TNRC18: variants seen among roughly 807,000 people sequenced by gnomAD.
TNRC18 encodes trinucleotide repeat-containing gene 18 protein.
A neutral mutation model predicts 226.7 loss-of-function variants in TNRC18; 69 were observed. The observed-to-expected ratio is 0.30, with a 90% CI of 0.25 to 0.37. The LOEUF (loss-of-function observed/expected upper bound fraction) is 0.37. Among genes scored for constraint, TNRC18 ranks in the 10% least tolerant of loss-of-function variants. TNRC18 has a pLI of 1.00. For synonymous variants in TNRC18, 2,449 were observed against 1,927.6 expected, an observed-to-expected ratio of 1.27 and a Z score of -7.09; for missense variants, 4,754 against 4,256.6, an observed-to-expected ratio of 1.12 and a Z score of -3.25.
chr7:5,353,150 G>GCT (rs1475749275), intron 16 of TNRC18, among the ~76,000 whole-genome samples: 1 of 152,164 alleles, frequency 6.6e-6, no homozygotes, highest in African/African-American at 2.4e-5. Flanking sequence ...GTCAAAGTGC[G>GCT]CTCTCTCTTG....
chr7:5,319,271 G>A (rs1299638977), intron 24 of TNRC18, among the ~76,000 whole-genome samples: 2 of 152,158 alleles, frequency 1.3e-5, no homozygotes, highest in African/African-American at 4.8e-5. Context: ...AGCTGGCATT[G>A]GCTTCCATCT....
chr7:5,313,626 A>G lies in TNRC18; in HGVS notation c.7265T>C (p.Leu2422Pro). The G allele has an allele frequency of 6.2e-7, 1 of 1,604,052 alleles. No individual in the cohort carries two copies. The highest frequency in any genetic ancestry group is 2.2e-4 in the Middle Eastern group (1 of 4,540). ...CATGGTGATGAGGGGTGCTGGGGCCAGGGAGGTGGCAGGAGCTGGCAGCTC... is the reference window on the plus strand; with the variant it reads ...CATGGTGATGAGGGGTGCTGGGGCCGGGGAGGTGGCAGGAGCTGGCAGCTC... The part of the protein sequence containing the change: ...FAELPAPATS[L>P]APAPLITMPA... The change falls in exon 27 of 30, where the codon CTG (leucine) becomes CCG (proline). Residue 2422 changes from leucine to proline, a missense_variant. Transcript: ENST00000430969.
chr7:5,339,926 G>C (rs543243991), intron 18 of TNRC18, among the ~76,000 whole-genome samples: 1 of 151,358 alleles, frequency 6.6e-6, no homozygotes, highest in Admixed American at 6.6e-5. Context: ...TGACTGCTCC[G>C]CCAACCGGCC....
intron 2 of TNRC18, among the ~76,000 whole-genome samples, chr7:5,414,016 G>A (rs1439978029): frequency 2.0e-5 from 3 of 151,850 alleles, no homozygotes; most frequent in South Asian, 2.1e-4. Context: ...GCAGTGGCAC[G>A]ATCTCGGCTC....
rs374655143 is a variant in TNRC18, at chr7:5,308,163, G to C, written c.8850C>G (p.Thr2950=). The C allele has an allele frequency of 6.3e-7, 1 of 1,582,122 alleles. No individual in the cohort carries two copies. Among genetic ancestry groups the C allele is most frequent in the Admixed American group, 1.8e-5 (1 of 55,096 alleles). Residue 2950 remains threonine, a synonymous_variant, in exon 30 of 30, where the codon ACC becomes ACG. Transcript: ENST00000430969. Reference sequence around the variant, plus strand: ...AGATCATGCCCGTGGTGGGCTCGTAGGTGCCCGCGAGGTAGTACAGGCCCT... The same window carrying C: ...AGATCATGCCCGTGGTGGGCTCGTACGTGCCCGCGAGGTAGTACAGGCCCT... The part of the protein sequence containing the change: ...DSEGLYYLAG[T]YEPTTGMIFS...
At chr7:5,335,400 G>C (rs1789993247) in intron 18 of TNRC18, among the ~76,000 whole-genome samples, 1 of 151,094 alleles carries the variant, frequency 6.6e-6, no homozygotes, top group Non-Finnish European at 1.5e-5. Context: ...ACAAGGTCAG[G>C]AGTTCAAGAC....
intron 18 of TNRC18, 47 bp downstream of exon 18, chr7:5,345,515 C>CCGGGG: frequency 2.9e-6 from 1 of 347,090 alleles, no homozygotes; most frequent in Non-Finnish European, 5.3e-6. Context: ...GCAATGGCGT[C>CCGGGG]CGCCCCTCCC....
rs376515151 is a variant in TNRC18 at position 5,374,245 on chromosome 7, C to A, written c.3039G>T (p.Glu1013Asp). Residue 1013 changes from glutamate to aspartate, a missense_variant, in exon 10 of 30, where the codon GAG (glutamate) becomes GAT (aspartate). Coordinates refer to ENST00000430969, the MANE Select transcript of TNRC18 (RefSeq NM_001080495.3). Reference protein sequence around the residue: ...ALKAKVIQKLEDVSKPPAYAY... With the variant: ...ALKAKVIQKLDDVSKPPAYAY... ...CGTAGGCGGGTGGCTTGGACACGTCCTCCAGCTTCTGGATGACCTTGGCCT... is the reference window on the plus strand; with the variant it reads ...CGTAGGCGGGTGGCTTGGACACGTCATCCAGCTTCTGGATGACCTTGGCCT... The A allele has an allele frequency of 3.7e-5, 56 of 1,500,984 alleles. No homozygotes were observed. In the African/African-American group the frequency reaches 7.7e-4, roughly 21 times the overall value. 93.0% of individuals were successfully genotyped at this position (1,500,984 alleles called of 1,614,324 possible). A position where few individuals can be genotyped will look rare whatever the true frequency, so the allele number is the denominator to read the frequency against.
rs375418243 is a variant in TNRC18, at chr7:5,308,067, C to A, written c.*39G>T. The A allele has an allele frequency of 7.9e-6, 12 of 1,528,042 alleles. No homozygotes were observed. In the African/African-American group the frequency reaches 1.4e-4, roughly 18 times the overall value. The allele number at this position is 1,528,042 out of a possible 1,614,324, so 94.7% of individuals were successfully genotyped here. A position where few individuals can be genotyped will look rare whatever the true frequency, so the allele number is the denominator to read the frequency against. ...GCAGTGATGGAGATGGGTCCCTGGC[C>A]GCCCTCGGGGCACAGGTGGCCCGCA... On this transcript the variant is annotated 3_prime_UTR_variant, in exon 30 of 30. Coordinates refer to ENST00000430969, the MANE Select transcript of TNRC18 (RefSeq NM_001080495.3).
In TNRC18 at chr7:5,395,996, C is replaced by CAAA. The variant is rs1178969904; in HGVS notation, c.188-1404_188-1402dup. Among the ~76,000 whole-genome samples, 218 of 107,726 alleles carry CAAA rather than the reference C, an allele frequency of 2.0e-3. 2 individuals carry two copies. Among genetic ancestry groups the CAAA allele is most frequent in the African/African-American group, 7.2e-3 (196 of 27,224 alleles). 70.7% of individuals were successfully genotyped at this position (107,726 alleles called of 152,430 possible). On this transcript the variant is annotated intron_variant, in intron 2 of 29. Transcript: ENST00000430969. ...TGGGCGACAGAGAGAGACTCCGTCT[C>CAAA]AAAAAAAAAAAAAAAATGCTAAAAA...
intron 21 of TNRC18, among the ~76,000 whole-genome samples, chr7:5,322,660 C>G (rs187532778): frequency 1.3e-5 from 2 of 152,358 alleles, no homozygotes; most frequent in African/African-American, 2.4e-5. Context: ...AACTTGCCGA[C>G]GGCGGTCACC....
At chr7:5,363,314 A>T (rs1401630973) in intron 11 of TNRC18, among the ~76,000 whole-genome samples, 1 of 136,172 alleles carries the variant, frequency 7.3e-6, no homozygotes, top group Non-Finnish European at 1.6e-5. Context: ...AAAAAAATAA[A>T]TAAATAGGCC....
At chr7:5,420,601 G>A (rs1057249128) in intron 2 of TNRC18, 1 of 455,662 alleles carries the variant, frequency 2.2e-6, no homozygotes, top group Admixed American at 2.4e-5. Flanking sequence ...GACCCGGCTC[G>A]GCGCGAGTGG....
intron 2 of TNRC18, among the ~76,000 whole-genome samples, chr7:5,402,010 C>G (rs540171627): frequency 6.6e-6 from 1 of 151,610 alleles, no homozygotes; most frequent in Non-Finnish European, 1.5e-5. Flanking sequence ...CCCGTCTCTA[C>G]TAAAAACAAA....
chr7:5,406,799 C>T (rs915190628), intron 2 of TNRC18, among the ~76,000 whole-genome samples: 4 of 148,068 alleles, frequency 2.7e-5, no homozygotes, highest in African/African-American at 1.0e-4. Context: ...TGCAGTGAGC[C>T]GAGATTGTAC....
intron 5 of TNRC18, among the ~76,000 whole-genome samples, chr7:5,384,869 G>C (rs1233073113): frequency 6.6e-6 from 1 of 152,248 alleles, no homozygotes; most frequent in East Asian, 1.9e-4. Context: ...ACACAGAGCA[G>C]TGTGTTCATT....
intron 2 of TNRC18, among the ~76,000 whole-genome samples, chr7:5,412,287 A>T (rs1485018172): frequency 2.0e-5 from 3 of 151,088 alleles, no homozygotes; most frequent in South Asian, 4.2e-4. Flanking sequence ...CCAGAAAATG[A>T]ATTTTCGGCT....
chr7:5,313,594 T>G lies in TNRC18; in HGVS notation c.7297A>C (p.Thr2433Pro), dbSNP rs746731899. 1 of 1,603,628 alleles carries G rather than the reference T, an allele frequency of 6.2e-7. No homozygotes were observed. The highest frequency in any genetic ancestry group is 1.7e-5 in the Admixed American group (1 of 58,204). Reference sequence around the variant, plus strand: ...CGCGCCTTCTTGGGCTTGGGGCGTGTGGCAGGCATGGTGATGAGGGGTGCT... The same window carrying G: ...CGCGCCTTCTTGGGCTTGGGGCGTGGGGCAGGCATGGTGATGAGGGGTGCT... ...APAPLITMPA[T>P]RPKPKKARAA... Residue 2433 changes from threonine (T) to proline (P), a missense_variant, in exon 27 of 30, where the codon ACA becomes CCA. Transcript: ENST00000430969.
intron 2 of TNRC18, among the ~76,000 whole-genome samples, chr7:5,412,046 G>T (rs1344009290): frequency 6.6e-6 from 1 of 151,898 alleles, no homozygotes; most frequent in Non-Finnish European, 1.5e-5. Flanking sequence ...AGTTAGCCAG[G>T]TGTGGTGGAA....
Sources: allele counts gnomAD v4.1 joint callset (sites outside exome capture counted in the v4.1 genomes callset), GRCh38; gene constraint gnomAD v4.1.1; transcripts MANE v1.5; gene names NCBI Gene and HGNC (gene_info 2026-07-23, HGNC 2026-07-21).